TAF11: variants seen among roughly 807,000 people sequenced by gnomAD.
TAF11 encodes the protein transcription initiation factor TFIID subunit 11.
A neutral mutation model predicts 23.0 loss-of-function variants in TAF11; 10 were observed. That is an observed-to-expected ratio of 0.43 (90% CI 0.27 to 0.74). The LOEUF is 0.74. Among genes scored for constraint, TAF11 ranks in the 30% least tolerant of loss-of-function variants. The pLI is 0.19. For synonymous variants in TAF11, 85 were observed against 95.8 expected (o/e 0.89, Z 0.66); for missense variants, 196 against 261.7 (o/e 0.75, Z 1.73).
In TAF11 at chr6:34,887,865, G is replaced by T; in HGVS notation, c.93C>A (p.Thr31=). ...TAAVPGDPGA[T]DTDGIPEETD... ...TTTCCTCTGGGATTCCATCGGTGTC[G>T]GTAGCCCCCGGGTCCCCGGGCACAG... The change falls in exon 1 of 5, where the codon ACC becomes ACA. Residue 31 remains threonine, a synonymous_variant. Coordinates refer to ENST00000361288, the MANE Select transcript of TAF11 (RefSeq NM_005643.4). 1 of 1,614,150 alleles carries T rather than the reference G, an allele frequency of 6.2e-7. No homozygotes were observed.
Position 34,878,507 on chromosome 6 carries a change from A to C in TAF11, c.*83T>G. ...GGAATCCTTGGAGGCCTGAGATACT[A>C]AAGCACCAATGCAGACAGTCTTATA... On this transcript the variant is annotated 3_prime_UTR_variant, in exon 5 of 5. Transcript: ENST00000361288. The C allele has an allele frequency of 1.3e-6, 1 of 780,776 alleles. No homozygotes were observed. Among genetic ancestry groups the C allele is most frequent in the South Asian group, 1.4e-5 (1 of 69,020 alleles). 48.4% of individuals were successfully genotyped at this position (780,776 alleles called of 1,614,324 possible).
chr6:34,879,110 G>A (rs1766369937), intron 4 of TAF11, among the ~76,000 whole-genome samples: 1 of 152,154 alleles, frequency 6.6e-6, no homozygotes, highest in Non-Finnish European at 1.5e-5. Flanking sequence ...ACTGAGGCAG[G>A]AGAATCACCC....
Position 34,878,816 on chromosome 6 carries a change from A to T in TAF11, c.506-96T>A. ...CTGTAATTCTTGTTAACTTTTCTTA[A>T]GCTTGCTAAGGAAATAAACAGACAT... On this transcript the variant is annotated intron_variant, in intron 4 of 4. Coordinates refer to ENST00000361288, the MANE Select transcript of TAF11 (RefSeq NM_005643.4). 3 of 1,091,246 alleles carry T rather than the reference A, an allele frequency of 2.7e-6. No homozygotes were observed. The South Asian group carries it at 4.2e-5, about 15-fold the overall frequency. 67.6% of individuals were successfully genotyped at this position (1,091,246 alleles called of 1,614,324 possible). A position where few individuals can be genotyped will look rare whatever the true frequency, so the allele number is the denominator to read the frequency against.
intron 1 of TAF11, among the ~76,000 whole-genome samples, chr6:34,885,192 C>A (rs976950472): frequency 2.0e-5 from 3 of 152,032 alleles, no homozygotes; most frequent in Non-Finnish European, 4.4e-5. Context: ...GTCAGCCTGC[C>A]AGGTAGCTAG....
intron 1 of TAF11, among the ~76,000 whole-genome samples, chr6:34,887,032 G>A (rs1180926144): frequency 2.0e-5 from 3 of 151,942 alleles, no homozygotes; most frequent in African/African-American, 4.8e-5. Context: ...CACCGGGTGC[G>A]GTGGCTCACG....
intron 1 of TAF11, among the ~76,000 whole-genome samples, chr6:34,886,942 C>A (rs1766537617): frequency 6.6e-6 from 1 of 152,092 alleles, no homozygotes; most frequent in African/African-American, 2.4e-5. Context: ...AGTTTCTGGT[C>A]CTGACCGATA....
Position 34,880,515 on chromosome 6 carries a change from G to A in TAF11, c.321-139C>T, listed in dbSNP as rs1766404986. The A allele has an allele frequency of 2.9e-6, 2 of 696,434 alleles. No homozygotes were observed. The highest frequency in any genetic ancestry group is 4.7e-6 in the Non-Finnish European group (2 of 423,990). The allele number at this position is 696,434 out of a possible 1,614,324, so 43.1% of individuals were successfully genotyped here. ...CATTAGGCTTGGTGCCTTGAGGAAT[G>A]AAGATAAAACACTTCTACTCCAAAG... On this transcript the variant is annotated intron_variant, in intron 2 of 4. Coordinates refer to ENST00000361288, the MANE Select transcript of TAF11 (RefSeq NM_005643.4). The surrounding 1 kb of genome is among the most constrained non-coding windows in gnomAD (Gnocchi z 4.8).
chr6:34,884,089 G>A (rs1036453988), intron 1 of TAF11, among the ~76,000 whole-genome samples: 3 of 152,128 alleles, frequency 2.0e-5, no homozygotes, highest in African/African-American at 7.2e-5. Context: ...AATATAAATT[G>A]TTCTATTATA....
chr6:34,880,373 G>A lies in TAF11; in HGVS notation c.324C>T (p.Ile108=), dbSNP rs1331606527. The part of the protein sequence containing the change: ...VDEDEIQKMQ[I]LVSSFSEEQL... The stretch of plus-strand genomic sequence containing the variant: ...GCTCCTCAGAAAAAGAAGAAACCAG[G>A]ATTCTAAACAAAGATCCAGGTAACT... Residue 108 remains isoleucine (I), a synonymous_variant, in exon 3 of 5, where the codon ATC becomes ATT. Coordinates refer to ENST00000361288, the MANE Select transcript of TAF11 (RefSeq NM_005643.4). The surrounding 1 kb of genome is among the most constrained non-coding windows in gnomAD (Gnocchi z 4.8). The A allele has an allele frequency of 1.9e-6, 3 of 1,613,600 alleles. No homozygotes were observed. The highest frequency in any genetic ancestry group is 2.5e-6 in the Non-Finnish European group (3 of 1,179,852).
At position 34,882,967 on chromosome 6, in the gene TAF11, C is replaced by T. The variant is rs1166127231; in HGVS notation, c.285G>A (p.Lys95=). 2 of 1,608,884 alleles carry T rather than the reference C, an allele frequency of 1.2e-6. No individual in the cohort carries two copies. Among genetic ancestry groups the T allele is most frequent in the African/African-American group, 2.7e-5 (2 of 74,630 alleles). Residue 95 remains lysine, a synonymous_variant, in exon 2 of 5, where the codon AAG becomes AAA. Coordinates refer to ENST00000361288, the MANE Select transcript of TAF11 (RefSeq NM_005643.4). ...KIDTKEKKEK[K]QKVDEDEIQK... ...GAATCTCATCTTCATCTACTTTCTG[C>T]TTTTTCTCTTTCTTTTCTTTGGTAT...
rs1446068892 is a variant in TAF11, at chr6:34,878,698, C to T, written c.528G>A (p.Trp176Ter). Residue 176 changes from tryptophan (W) to a stop codon, truncating the protein, a stop_gained, in exon 5 of 5, where the codon TGG (tryptophan) becomes TGA (stop). Coordinates refer to ENST00000361288, the MANE Select transcript of TAF11 (RefSeq NM_005643.4). LOFTEE classifies it high-confidence loss of function. ...TGGGTTGTAGTGGTGGCATTTCTCC[C>T]CACTTCTCACACACATCCAGTGCTA... is the stretch of plus-strand genomic sequence containing the variant. The part of the protein sequence containing the change: ...VEEALDVCEK[W>*]GEMPPLQPKH... 9 of 1,614,004 alleles carry T rather than the reference C, an allele frequency of 5.6e-6. No individual in the cohort carries two copies. Among genetic ancestry groups the T allele is most frequent in the Non-Finnish European group, 6.8e-6 (8 of 1,179,974 alleles).
intron 1 of TAF11, among the ~76,000 whole-genome samples, chr6:34,883,718 G>A (rs1766485530): frequency 6.6e-6 from 1 of 151,986 alleles, no homozygotes; most frequent in Admixed American, 6.6e-5. Context: ...TTTTACTTAT[G>A]CTGGATGTTT....
In TAF11 at chr6:34,887,965, AGGATT is replaced by A. The variant is rs1766571650; in HGVS notation, c.-13_-9del. 1.2e-6 allele frequency: 2 copies of A among 1,613,938 alleles called. No homozygotes were observed. Among genetic ancestry groups the A allele is most frequent in the Non-Finnish European group, 1.7e-6 (2 of 1,179,910 alleles). On this transcript the variant is annotated 5_prime_UTR_variant, in exon 1 of 5. Transcript: ENST00000361288. Reference sequence around the variant, plus strand: ...CTCGTGGGCATCGTCCATCACGGATAGGATTGGAGGGGAGAGGAGATCGCGGAGAT... The same window carrying A: ...CTCGTGGGCATCGTCCATCACGGATAGGAGGGGAGAGGAGATCGCGGAGAT...
intron 2 of TAF11, among the ~76,000 whole-genome samples, chr6:34,881,350 A>G (rs1766420580): frequency 6.6e-6 from 1 of 152,234 alleles, no homozygotes; most frequent in Admixed American, 6.5e-5. Flanking sequence ...GAAAAGGTAC[A>G]TACCCAAACA....
rs1454307846 is a variant in TAF11, at chr6:34,877,467, G to C, written c.*1123C>G. 1 of 152,542 alleles carries C rather than the reference G, an allele frequency of 6.6e-6. No homozygotes were observed. The highest frequency in any genetic ancestry group is 2.1e-4 in the South Asian group (1 of 4,822). The allele number at this position is 152,542 out of a possible 1,614,324, so 9.4% of individuals were successfully genotyped here. A position where few individuals can be genotyped will look rare whatever the true frequency, so the allele number is the denominator to read the frequency against. On this transcript the variant is annotated 3_prime_UTR_variant, in exon 5 of 5. Coordinates refer to ENST00000361288, the MANE Select transcript of TAF11 (RefSeq NM_005643.4). ...TATCTAGTCAAACTTTGAGTGTACT[G>C]GTTCTGTGAACCACCTGAAAAAACA...
At position 34,884,833 on chromosome 6, in the gene TAF11, G is replaced by C. The variant is rs546185678; in HGVS notation, c.172-1753C>G. On this transcript the variant is annotated intron_variant, in intron 1 of 4. Transcript: ENST00000361288. ...AGTTTTCTAACTGTGCTTCAAGTTT[G>C]GTGGTTTGTATTTTCCTTTAAAAAA... Among the ~76,000 whole-genome samples, 46 of 152,144 alleles carry C rather than the reference G, an allele frequency of 3.0e-4. No individual in the cohort carries two copies. In the South Asian group the frequency reaches 4.8e-3, roughly 16 times the overall value.
In TAF11 at chr6:34,880,923, A is replaced by T. The variant is rs978540772; in HGVS notation, c.321-547T>A. On this transcript the variant is annotated intron_variant, in intron 2 of 4. Transcript: ENST00000361288. The surrounding 1 kb of genome is among the most constrained non-coding windows in gnomAD (Gnocchi z 4.8). ...AAACAACCTTCATTATTAACTAAGG[A>T]AATATTATTTTCATAGATAACATTT... Among the ~76,000 whole-genome samples the T allele has an allele frequency of 2.6e-5, 4 of 152,232 alleles. No homozygotes were observed. Among genetic ancestry groups the T allele is most frequent in the African/African-American group, 9.6e-5 (4 of 41,456 alleles).
rs571584856 is a variant in TAF11 at position 34,879,576 on chromosome 6, A to G, written c.505+391T>C. On this transcript the variant is annotated intron_variant, in intron 4 of 4. Coordinates refer to ENST00000361288, the MANE Select transcript of TAF11 (RefSeq NM_005643.4). ...GGGAAACAGCCAGGCTTTTTACTCA[A>G]TAAAGGGGTCAGGCAGTTCCTAGGG... is the stretch of plus-strand genomic sequence containing the variant. 5.1e-6 allele frequency: 5 copies of G among 985,176 alleles called. No individual in the cohort carries two copies. In the East Asian group the frequency reaches 4.5e-4, roughly 89 times the overall value. The allele number at this position is 985,176 out of a possible 1,614,324, so 61.0% of individuals were successfully genotyped here. A position where few individuals can be genotyped will look rare whatever the true frequency, so the allele number is the denominator to read the frequency against.
intron 1 of TAF11, among the ~76,000 whole-genome samples, chr6:34,886,171 G>A (rs955928795): frequency 6.6e-6 from 1 of 151,734 alleles, no homozygotes; most frequent in African/African-American, 2.4e-5. Context: ...TGAGCGTGGT[G>A]CAGCATGCCT....
Sources: gnomAD v4.1 joint callset for allele counts (sites outside exome capture counted in the v4.1 genomes callset) on GRCh38, gnomAD v4.1.1 for gene constraint, Gnocchi (gnomAD v3.1) non-coding constraint, MANE v1.5 for transcripts, NCBI Gene and HGNC (gene_info 2026-07-23, HGNC 2026-07-21) for gene names.